OR51B5: variants seen among roughly 807,000 people sequenced by gnomAD.
The protein encoded by OR51B5 is olfactory receptor 51B5.
For missense variants in OR51B5, 456 were observed against 374.6 expected, an observed-to-expected ratio of 1.22 and a Z score of -1.79; for synonymous variants, 186 against 144.8, an observed-to-expected ratio of 1.28 and a Z score of -2.04.
intron 1 of OR51B5, among the ~76,000 whole-genome samples, chr11:5,397,969 C>A (rs574599488): frequency 1.3e-5 from 2 of 152,264 alleles, no homozygotes; most frequent in East Asian, 3.9e-4. Context: ...CCAAACACCA[C>A]ATGTTCTCAC....
At chr11:5,437,114 C>T (rs1344460139) in intron 1 of OR51B5, among the ~76,000 whole-genome samples, 1 of 152,124 alleles carries the variant, frequency 6.6e-6, no homozygotes, top group Non-Finnish European at 1.5e-5. Context: ...AACTACTTCA[C>T]CTGGAGATAC....
intron 1 of OR51B5, among the ~76,000 whole-genome samples, chr11:5,433,817 A>G (rs1280878960): frequency 1.3e-5 from 2 of 151,866 alleles, no homozygotes; most frequent in African/African-American, 4.8e-5. Flanking sequence ...AGGCAACAGA[A>G]TGAGATCTTA....
intron 1 of OR51B5, among the ~76,000 whole-genome samples, chr11:5,367,764 G>T (rs1315664728): frequency 2.6e-5 from 4 of 152,168 alleles, no homozygotes; most frequent in African/African-American, 7.2e-5. Context: ...TGGTTCAAAT[G>T]CCTCTGACAA....
intron 1 of OR51B5, among the ~76,000 whole-genome samples, chr11:5,437,061 G>A (rs756468902): frequency 6.6e-6 from 1 of 152,162 alleles, no homozygotes; most frequent in Non-Finnish European, 1.5e-5. Flanking sequence ...AGGAGGGTTA[G>A]ATCTTACCTT....
At chr11:5,343,868 T>C (rs1433019229), upstream of OR51B5, among the ~76,000 whole-genome samples, 1 of 152,232 alleles carries the variant, frequency 6.6e-6, no homozygotes, top group East Asian at 1.9e-4. Flanking sequence ...GAATTCGTAT[T>C]CTATGGGGCA....
chr11:5,405,023 C>T (rs1220403704), intron 1 of OR51B5, among the ~76,000 whole-genome samples: 3 of 152,164 alleles, frequency 2.0e-5, no homozygotes, highest in East Asian at 1.9e-4. Flanking sequence ...AAGAACCCAC[C>T]GTTGCAGAAA....
chr11:5,397,706 C>T (rs75448923), intron 1 of OR51B5, among the ~76,000 whole-genome samples: 13,517 of 144,238 alleles, frequency 0.094, 522 homozygotes, highest in East Asian at 0.19. Flanking sequence ...ACTGGGTATA[C>T]ACCCAAAGGA....
chr11:5,360,855 G>A (rs886410175), intron 1 of OR51B5, among the ~76,000 whole-genome samples: 26 of 151,320 alleles, frequency 1.7e-4, no homozygotes, highest in African/African-American at 6.1e-4. Flanking sequence ...CATGGATGAA[G>A]CTGGAAACCA....
intron 1 of OR51B5, among the ~76,000 whole-genome samples, chr11:5,373,694 G>A (rs777118153): frequency 1.7e-4 from 26 of 152,158 alleles, no homozygotes; most frequent in South Asian, 4.1e-4. Flanking sequence ...ACATGGCTCC[G>A]AGGGTCCTAC....
intron 1 of OR51B5, among the ~76,000 whole-genome samples, chr11:5,378,465 T>C (rs1409325894): frequency 6.6e-6 from 1 of 152,110 alleles, no homozygotes; most frequent in Non-Finnish European, 1.5e-5. Context: ...ACTAATGGGA[T>C]CTAATGAAAC....
rs1009383775 is a variant in OR51B5, at chr11:5,465,699, C to A, written n.84+39870G>T. On this transcript the variant is annotated intron_variant and non_coding_transcript_variant, in intron 1 of 4. Coordinates refer to the OR51B5 transcript ENST00000415970. ...CTTTGACAAACCTGAGAAAAACAAG[C>A]AATGGAGAAAGGATTCCCTATTTAA... Among the ~76,000 whole-genome samples the A allele has an allele frequency of 3.9e-4, 56 of 142,554 alleles. 2 individuals carry two copies. The highest frequency in any genetic ancestry group is 2.9e-4 in the Non-Finnish European group (19 of 65,628). 93.5% of individuals were successfully genotyped at this position (142,554 alleles called of 152,430 possible).
chr11:5,346,844 T>G (rs960294981), upstream of OR51B5: 1 of 152,180 alleles, frequency 6.6e-6, no homozygotes, highest in African/African-American at 2.4e-5. Context: ...ACTTGTTTGA[T>G]GGTGAGGAAG....
intron 1 of OR51B5, among the ~76,000 whole-genome samples, chr11:5,413,034 C>T (rs1850175204): frequency 2.0e-5 from 1 of 48,924 alleles, no homozygotes; most frequent in African/African-American, 4.0e-5. Flanking sequence ...GGGAGGCACC[C>T]CCCAGTAGGG....
intron 1 of OR51B5, among the ~76,000 whole-genome samples, chr11:5,485,602 C>T (rs1219131538): frequency 6.6e-6 from 1 of 152,154 alleles, no homozygotes; most frequent in African/African-American, 2.4e-5. Flanking sequence ...ATGCTCCTTG[C>T]ACCCCCACTT....
intron 1 of OR51B5, among the ~76,000 whole-genome samples, chr11:5,434,626 C>T (rs1399395546): frequency 3.3e-5 from 5 of 152,030 alleles, no homozygotes; most frequent in African/African-American, 1.2e-4. Flanking sequence ...ATCAAGACTT[C>T]GAAGGACCAT....
At chr11:5,352,665 T>A (rs916458668) in intron 1 of OR51B5, among the ~76,000 whole-genome samples, 7 of 152,226 alleles carry the variant, frequency 4.6e-5, no homozygotes, top group Middle Eastern at 3.4e-3. Context: ...TAAGTACATA[T>A]CTCAGTGCTC....
intron 1 of OR51B5, among the ~76,000 whole-genome samples, chr11:5,363,766 G>A (rs1257473127): frequency 6.6e-6 from 1 of 152,030 alleles, no homozygotes; most frequent in Non-Finnish European, 1.5e-5. Flanking sequence ...ATTTTCATGA[G>A]GATTCTATTA....
chr11:5,466,914 C>A (rs1851146488), intron 1 of OR51B5, among the ~76,000 whole-genome samples: 1 of 152,342 alleles, frequency 6.6e-6, no homozygotes, highest in African/African-American at 2.4e-5. Context: ...GCATCACTTT[C>A]TTGTGTCTGC....
chr11:5,348,060 CAG>C (rs760216438), upstream of OR51B5, among the ~76,000 whole-genome samples: 12 of 132,554 alleles, frequency 9.1e-5, no homozygotes, highest in South Asian at 7.3e-4. Context: ...AAAAAAAAAA[CAG>C]AGAGATCGAA....
Sources: gnomAD v4.1 joint callset for allele counts (sites outside exome capture counted in the v4.1 genomes callset) on GRCh38, gnomAD v4.1.1 for gene constraint, MANE v1.5 for transcripts, NCBI Gene and HGNC (gene_info 2026-07-23, HGNC 2026-07-21) for gene names.